Variants in FAAH2 observed in about 807,000 individuals in gnomAD.
FAAH2 encodes fatty-acid amide hydrolase 2.
A neutral mutation model predicts 36.9 loss-of-function variants in FAAH2; 60 were observed. That is an observed-to-expected ratio of 1.63 (90% CI 1.32 to 2.02). The LOEUF (loss-of-function observed/expected upper bound fraction) is 2.02. Among genes scored for constraint, FAAH2 ranks in the 30% most tolerant of loss-of-function variants. FAAH2 has a pLI of 0.00. For missense variants in FAAH2, 689 were observed against 397.5 expected, an observed-to-expected ratio of 1.73 and a Z score of -6.23; for synonymous variants, 214 against 143.8, an observed-to-expected ratio of 1.49 and a Z score of -3.49.
chrX:57,425,283 A>G (rs951961741), intron 7 of FAAH2, among the ~76,000 whole-genome samples: 5 of 111,985 alleles, frequency 4.5e-5, no homozygotes, highest in African/African-American at 1.3e-4. Context: ...ACACAACAAG[A>G]TTGCAAAATC....
intron 7 of FAAH2, among the ~76,000 whole-genome samples, chrX:57,399,549 A>G: frequency 9.0e-6 from 1 of 111,554 alleles, no homozygotes; most frequent in Non-Finnish European, 1.9e-5. Flanking sequence ...AGCATTTCTT[A>G]TGGAGGGTCC....
intron 7 of FAAH2, among the ~76,000 whole-genome samples, chrX:57,389,464 A>G (rs937284174): frequency 9.2e-6 from 1 of 108,939 alleles, no homozygotes; most frequent in African/African-American, 3.3e-5. Context: ...AATAAATGAT[A>G]TTATAAAACA....
chrX:57,353,337 A>G (rs1037492529), intron 5 of FAAH2, among the ~76,000 whole-genome samples: 1 of 109,348 alleles, frequency 9.1e-6, no homozygotes, highest in Non-Finnish European at 1.9e-5. Flanking sequence ...GCAATAATAT[A>G]CATTGTGGAA....
chrX:57,151,339 A>G, the FAAH2 span, among the ~76,000 whole-genome samples: 1 of 112,034 alleles, frequency 8.9e-6, no homozygotes, highest in Non-Finnish European at 1.9e-5. Flanking sequence ...TCTCCTGGAT[A>G]ATATCCTGCA....
chrX:57,243,623 T>C, the FAAH2 span, among the ~76,000 whole-genome samples: 1 of 112,068 alleles, frequency 8.9e-6, no homozygotes, highest in Non-Finnish European at 1.9e-5. Flanking sequence ...GGAGTGGACC[T>C]ACAGCAGTCT....
chrX:57,183,906 C>T, the FAAH2 span, among the ~76,000 whole-genome samples: 1 of 110,199 alleles, frequency 9.1e-6, no homozygotes, highest in Non-Finnish European at 1.9e-5. Flanking sequence ...AAATTTTTTT[C>T]CTAGCAAGAA....
chrX:57,122,840 ACAGT>A, the FAAH2 span, among the ~76,000 whole-genome samples: 1 of 111,949 alleles, frequency 8.9e-6, no homozygotes, highest in East Asian at 2.8e-4. Context: ...TCTCGATTCA[ACAGT>A]CAAAGTATGA....
chrX:57,395,912 G>A (rs1441306160), intron 7 of FAAH2, among the ~76,000 whole-genome samples: 1 of 111,932 alleles, frequency 8.9e-6, no homozygotes, highest in Non-Finnish European at 1.9e-5. Context: ...CATAATTTAA[G>A]TAAGATTGGG....
At chrX:57,371,158 T>C (rs1031147484) in intron 5 of FAAH2, among the ~76,000 whole-genome samples, 1 of 111,629 alleles carries the variant, frequency 9.0e-6, no homozygotes. Flanking sequence ...CTTGCAAAGG[T>C]CTACTGCATG....
chrX:57,185,190 T>TAATAA, the FAAH2 span, among the ~76,000 whole-genome samples: 1 of 110,983 alleles, frequency 9.0e-6, no homozygotes, highest in Non-Finnish European at 1.9e-5. Context: ...TGTTTCTGGC[T>TAATAA]AATTTTTTAT....
At chrX:57,326,999 A>G (rs770877721) in intron 3 of FAAH2, among the ~76,000 whole-genome samples, 2 of 106,061 alleles carry the variant, frequency 1.9e-5, no homozygotes, top group South Asian at 8.4e-4. Flanking sequence ...TTCCATGTTT[A>G]GTGCTTCCTT....
chrX:57,439,284 G>C, intron 8 of FAAH2, among the ~76,000 whole-genome samples: 1 of 110,378 alleles, frequency 9.1e-6, no homozygotes, highest in Non-Finnish European at 1.9e-5. Context: ...ACTTTTTAAT[G>C]ATCGCCATTC....
the FAAH2 span, among the ~76,000 whole-genome samples, chrX:57,249,062 T>G: frequency 9.0e-6 from 1 of 111,056 alleles, no homozygotes; most frequent in Non-Finnish European, 1.9e-5. Flanking sequence ...TAGTTTTAAG[T>G]TATATATGTC....
chrX:57,156,476 A>G, the FAAH2 span, among the ~76,000 whole-genome samples: 3 of 111,466 alleles, frequency 2.7e-5, no homozygotes, highest in African/African-American at 9.8e-5. Context: ...AGAGTTATGT[A>G]TTTATTTCAG....
the FAAH2 span, among the ~76,000 whole-genome samples, chrX:57,245,030 G>A: frequency 1.8e-5 from 2 of 111,059 alleles, no homozygotes; most frequent in Non-Finnish European, 3.8e-5. Context: ...AAAGGATGGA[G>A]GAATATTTAC....
chrX:57,354,360 A>C (rs2054107590), intron 5 of FAAH2, among the ~76,000 whole-genome samples: 1 of 110,867 alleles, frequency 9.0e-6, no homozygotes, highest in African/African-American at 3.3e-5. Context: ...TCTCCCCAAT[A>C]AGTGGGTGCT....
intron 10 of FAAH2, among the ~76,000 whole-genome samples, chrX:57,462,267 C>T (rs1204148393): frequency 2.7e-5 from 3 of 109,917 alleles, no homozygotes; most frequent in Non-Finnish European, 5.7e-5. Context: ...GAAACGATTC[C>T]GAAGAATAGA....
the FAAH2 span, among the ~76,000 whole-genome samples, chrX:57,161,400 G>C: frequency 4.3e-4 from 48 of 110,917 alleles, no homozygotes; most frequent in South Asian, 0.018. Context: ...GCTGAGTTCG[G>C]CTCCTGGATA....
chrX:57,475,317 A>G (rs1449901377), intron 10 of FAAH2, among the ~76,000 whole-genome samples: 1 of 111,422 alleles, frequency 9.0e-6, no homozygotes, highest in Non-Finnish European at 1.9e-5. Flanking sequence ...CTGGGTTTTT[A>G]TGGTTTTGGG....
Sources: gnomAD v4.1 joint callset for allele counts (sites outside exome capture counted in the v4.1 genomes callset) on GRCh38, gnomAD v4.1.1 for gene constraint, MANE v1.5 for transcripts, NCBI Gene and HGNC (gene_info 2026-07-23, HGNC 2026-07-21) for gene names.